SPSB4: variants seen among roughly 807,000 people sequenced by gnomAD.
SPSB4 encodes splA/ryanodine receptor domain and SOCS box containing 4.
SPSB4 carries 21 observed loss-of-function variants against 20.9 expected under a neutral mutation model. The observed-to-expected ratio is 1.01, with a 90% CI of 0.71 to 1.45. The LOEUF is 1.45. SPSB4 is among the 40% of genes most tolerant of loss of function. The probability of loss-of-function intolerance (pLI) is 0.00; values close to 1 mark genes in which losing one functional copy is unlikely to be tolerated. For missense variants in SPSB4, 399 were observed against 399.2 expected (o/e 1.00, Z 0.00); for synonymous variants, 207 against 183.8 (o/e 1.13, Z -1.02).
At chr3:141,075,985 G>A (rs922338867) in intron 2 of SPSB4, among the ~76,000 whole-genome samples, 6 of 151,122 alleles carry the variant, frequency 4.0e-5, no homozygotes, top group Admixed American at 2.0e-4. Flanking sequence ...ATTTGAACCC[G>A]AAGGTGGAGG....
chr3:141,059,947 G>A (rs1051631784), intron 1 of SPSB4, among the ~76,000 whole-genome samples: 4 of 152,228 alleles, frequency 2.6e-5, no homozygotes, highest in African/African-American at 9.6e-5. Flanking sequence ...ACAGACAGGT[G>A]GGGATTCACA....
intron 1 of SPSB4, among the ~76,000 whole-genome samples, chr3:141,062,027 G>C (rs1347911198): frequency 1.3e-5 from 2 of 152,132 alleles, no homozygotes; most frequent in East Asian, 3.9e-4. Context: ...GAGCCACCAA[G>C]CCCAGCCCCT....
chr3:141,147,144 G>A lies in SPSB4; in HGVS notation c.697G>A (p.Glu233Lys), dbSNP rs148907910. 2.3e-5 allele frequency: 37 copies of A among 1,613,872 alleles called. No homozygotes were observed. The highest frequency in any genetic ancestry group is 6.7e-5 in the African/African-American group (5 of 74,920). The change falls in exon 3 of 3, where the codon GAG becomes AAG. Residue 233 changes from glutamate to lysine, a missense_variant and splice_region_variant. Physicochemically the swap from Glu to Lys is moderately conservative, Grantham distance 56. Coordinates refer to ENST00000310546, the MANE Select transcript of SPSB4 (RefSeq NM_080862.3). ...TMRYINGLDP[E>K]PLPLMDLCRR... ...TAACTGCTTCCCTCTCATTGCAGCCGAGCCCCTGCCACTGATGGACCTGTG... is the reference window on the plus strand; with the variant it reads ...TAACTGCTTCCCTCTCATTGCAGCCAAGCCCCTGCCACTGATGGACCTGTG...
chr3:141,099,375 A>T (rs573881766), intron 2 of SPSB4, among the ~76,000 whole-genome samples: 1 of 152,242 alleles, frequency 6.6e-6, no homozygotes, highest in East Asian at 1.9e-4. Context: ...ATGACTTTTA[A>T]TGACTAAATA....
In SPSB4 at chr3:141,066,804, T is replaced by G; in HGVS notation, c.694+6T>G. On this transcript the variant is annotated splice_donor_region_variant and intron_variant, in intron 2 of 2. Coordinates refer to ENST00000310546, the MANE Select transcript of SPSB4 (RefSeq NM_080862.3). ...CTACATCAACGGCCTTGACCGTAAG[T>G]TGTGCTGGGCTGGGGGGCAGGGCTT... 6.5e-7 allele frequency: 1 copy of G among 1,533,738 alleles called. No homozygotes were observed. The highest frequency in any genetic ancestry group is 8.8e-7 in the Non-Finnish European group (1 of 1,135,850).
intron 2 of SPSB4, among the ~76,000 whole-genome samples, chr3:141,105,851 C>G (rs531623032): frequency 6.6e-6 from 1 of 152,230 alleles, no homozygotes; most frequent in Admixed American, 6.5e-5. Context: ...TTCCATCTCC[C>G]TTTCCTGGTA....
chr3:141,110,916 C>T (rs368590981), intron 2 of SPSB4, among the ~76,000 whole-genome samples: 14 of 152,326 alleles, frequency 9.2e-5, no homozygotes, highest in East Asian at 5.8e-4. Context: ...CCAGATCCCA[C>T]GGCTCCAAAG....
intron 2 of SPSB4, among the ~76,000 whole-genome samples, chr3:141,109,531 C>G (rs1938760195): frequency 6.6e-6 from 1 of 152,160 alleles, no homozygotes; most frequent in Non-Finnish European, 1.5e-5. Flanking sequence ...GCTAGCCCAT[C>G]AGCTGGGTGA....
At chr3:141,135,588 C>T (rs1407583405) in intron 2 of SPSB4, among the ~76,000 whole-genome samples, 1 of 151,164 alleles carries the variant, frequency 6.6e-6, no homozygotes, top group African/African-American at 2.4e-5. Flanking sequence ...TGAGAACATG[C>T]AGTGTTTGGT....
At position 141,136,947 on chromosome 3, in the gene SPSB4, C is replaced by T. The variant is rs1222641388; in HGVS notation, c.695-10195C>T. Among the ~76,000 whole-genome samples, 7 of 152,244 alleles carry T rather than the reference C, an allele frequency of 4.6e-5. No homozygotes were observed. In the East Asian group the frequency reaches 7.7e-4, roughly 17 times the overall value. The stretch of plus-strand genomic sequence containing the variant: ...ACCTTGGGCAGTATGGCCATTTTCA[C>T]GATATTGATTCTTCCTACCCATGAG... On this transcript the variant is annotated intron_variant, in intron 2 of 2. Coordinates refer to ENST00000310546, the MANE Select transcript of SPSB4 (RefSeq NM_080862.3).
rs143067225 is a variant in SPSB4 at position 141,133,787 on chromosome 3, T to C, written c.695-13355T>C. Among the ~76,000 whole-genome samples, 4 of 152,320 alleles carry C rather than the reference T, an allele frequency of 2.6e-5. No homozygotes were observed. The East Asian group carries it at 7.7e-4, about 29-fold the overall frequency. ...ATGTGAGCTCTTTTTCAGTTTCATA[T>C]GAATTTTAGGATTGTTTTCTCTTGT... is the stretch of plus-strand genomic sequence containing the variant. On this transcript the variant is annotated intron_variant, in intron 2 of 2. Coordinates refer to ENST00000310546, the MANE Select transcript of SPSB4 (RefSeq NM_080862.3).
chr3:141,134,503 A>G (rs934559568), intron 2 of SPSB4, among the ~76,000 whole-genome samples: 3 of 152,048 alleles, frequency 2.0e-5, no homozygotes, highest in African/African-American at 4.8e-5. Flanking sequence ...TTCTATGCCA[A>G]TTTTGCTGAG....
chr3:141,056,667 T>C (rs959825365), intron 1 of SPSB4, among the ~76,000 whole-genome samples: 17 of 152,268 alleles, frequency 1.1e-4, no homozygotes, highest in African/African-American at 4.1e-4. Context: ...TCATCATCGT[T>C]TTCCCCAGAG....
rs75336147 is a variant in SPSB4, at chr3:141,100,729, G to C, written c.694+33931G>C. ...GAGGAATGACTTGTCATGGTGGCTT[G>C]AACAGGTGAGGCCAAGGGTGGAGAG... On this transcript the variant is annotated intron_variant, in intron 2 of 2. Coordinates refer to ENST00000310546, the MANE Select transcript of SPSB4 (RefSeq NM_080862.3). Among the ~76,000 whole-genome samples the C allele has an allele frequency of 8.2e-4, 125 of 152,332 alleles. 2 individuals are homozygous for C. The highest frequency in any genetic ancestry group is 2.9e-3 in the African/African-American group (119 of 41,576).
At chr3:141,144,809 C>T (rs1488309143) in intron 2 of SPSB4, among the ~76,000 whole-genome samples, 1 of 152,174 alleles carries the variant, frequency 6.6e-6, no homozygotes, top group Non-Finnish European at 1.5e-5. Context: ...GGTTTGCTGA[C>T]AAGGCTAAGC....
At chr3:141,129,590 C>T (rs1032885037) in intron 2 of SPSB4, among the ~76,000 whole-genome samples, 7 of 152,194 alleles carry the variant, frequency 4.6e-5, no homozygotes, top group East Asian at 3.9e-4. Context: ...CTCATGCACA[C>T]GCATGCACAC....
intron 2 of SPSB4, among the ~76,000 whole-genome samples, chr3:141,097,012 T>A (rs769843714): frequency 6.6e-6 from 1 of 152,208 alleles, no homozygotes; most frequent in Non-Finnish European, 1.5e-5. Context: ...CTCAATCTAT[T>A]GTCTTTGTGC....
chr3:141,090,643 G>C (rs1938432733), intron 2 of SPSB4, among the ~76,000 whole-genome samples: 1 of 152,200 alleles, frequency 6.6e-6, no homozygotes, highest in South Asian at 2.1e-4. Flanking sequence ...AGCAGGGCCT[G>C]AGACCAGAGC....
intron 2 of SPSB4, among the ~76,000 whole-genome samples, chr3:141,140,863 A>G (rs950433786): frequency 3.3e-5 from 5 of 152,238 alleles, no homozygotes; most frequent in African/African-American, 1.2e-4. Context: ...AAGCTGTCAG[A>G]CAGGGACATT....
Sources: gnomAD v4.1 joint callset for allele counts (sites outside exome capture counted in the v4.1 genomes callset) on GRCh38, gnomAD v4.1.1 for gene constraint, MANE v1.5 for transcripts, NCBI Gene and HGNC (gene_info 2026-07-23, HGNC 2026-07-21) for gene names.